Variants in FGF22 observed in about 807,000 individuals in gnomAD.
FGF22 encodes FGF-22.
FGF22 carries 11 observed loss-of-function variants against 10.3 expected under a neutral mutation model. That is an observed-to-expected ratio of 1.07 (90% CI 0.67 to 1.77). The LOEUF is 1.77. Among genes scored for constraint, FGF22 ranks in the 40% most tolerant of loss-of-function variants. The pLI is 0.00. For missense variants in FGF22, 317 were observed against 273.2 expected (o/e 1.16, Z -1.13); for synonymous variants, 136 against 122.1 (o/e 1.11, Z -0.75).
In FGF22 at chr19:643,483, G is replaced by A. The variant is rs200251395; in HGVS notation, c.392G>A (p.Arg131His). Reference sequence around the variant, plus strand: ...GGCCACAACACCTACGCCTCACAGCGCTGGCGCCGCCGCGGCCAGCCCATG... The same window carrying A: ...GGCCACAACACCTACGCCTCACAGCACTGGCGCCGCCGCGGCCAGCCCATG... The change falls in exon 3 of 3, where the codon CGC (arginine) becomes CAC (histidine). Residue 131 changes from arginine (R) to histidine (H), a missense_variant. Transcript: ENST00000215530. 66 of 1,611,104 alleles carry A rather than the reference G, an allele frequency of 4.1e-5. No individual in the cohort carries two copies. In the Middle Eastern group the frequency reaches 1.5e-3, roughly 36 times the overall value.
At chr19:640,001 G>C in exon 1 of FGF22, 1 of 1,307,514 alleles carries the variant, frequency 7.6e-7, no homozygotes, top group South Asian at 2.2e-5. Flanking sequence ...AACCCCGAGC[G>C]CGTCGCGGGG....
chr19:643,029 T>A (rs1985954878), intron 1 of FGF22, among the ~76,000 whole-genome samples: 1 of 151,872 alleles, frequency 6.6e-6, no homozygotes, highest in African/African-American at 2.4e-5. Context: ...TGCTCCTTGC[T>A]CCTCCCTCAC....
chr19:642,952 G>A (rs1294215968), intron 1 of FGF22, among the ~76,000 whole-genome samples: 2 of 151,898 alleles, frequency 1.3e-5, no homozygotes, highest in East Asian at 1.9e-4. Flanking sequence ...GCCCTCCCAC[G>A]GGGTCCTCAT....
Position 643,165 on chromosome 19 carries a change from G to A in FGF22, c.215-70G>A, listed in dbSNP as rs1192929152. 28 of 473,398 alleles carry A rather than the reference G, an allele frequency of 5.9e-5. No individual in the cohort carries two copies. The Middle Eastern group carries it at 2.4e-3, about 40-fold the overall frequency. The allele number at this position is 473,398 out of a possible 1,614,324, so 29.3% of individuals were successfully genotyped here. A position where few individuals can be genotyped will look rare whatever the true frequency, so the allele number is the denominator to read the frequency against. ...TGTCGTGGTCCTGAGGGCCCTGCAC[G>A]AAGCACAGCGGACAGCAGCGGTGCT... On this transcript the variant is annotated intron_variant, in intron 1 of 2. Transcript: ENST00000215530.
intron 1 of FGF22, 177 bp downstream of exon 1, chr19:640,316 C>T (rs1985860325): frequency 2.4e-6 from 1 of 409,882 alleles, no homozygotes; most frequent in African/African-American, 2.1e-5. Context: ...GAGGGTTGCA[C>T]TGTTAAAGCG....
chr19:641,865 C>T (rs931988053), intron 1 of FGF22, among the ~76,000 whole-genome samples: 1 of 152,140 alleles, frequency 6.6e-6, no homozygotes, highest in Non-Finnish European at 1.5e-5. Flanking sequence ...GCGGCAGACA[C>T]CCAGGCCGGG....
exon 1 of FGF22, chr19:639,881 G>C (rs1985840355): frequency 8.6e-7 from 1 of 1,159,146 alleles, no homozygotes; most frequent in Non-Finnish European, 1.1e-6. Context: ...GCAGAGCCGC[G>C]GACGCCCGGG....
chr19:643,181 C>A, intron 1 of FGF22, 54 bp from the exon 2 acceptor site: 1 of 809,956 alleles, frequency 1.2e-6, no homozygotes, highest in Non-Finnish European at 1.6e-6. Flanking sequence ...CAGCGGACAG[C>A]AGCGGTGCTG....
At position 643,470 on chromosome 19, in the gene FGF22, T is replaced by C. The variant is rs1667061318; in HGVS notation, c.379T>C (p.Tyr127His). The change falls in exon 3 of 3, where the codon TAC (tyrosine) becomes CAC (histidine). Residue 127 changes from tyrosine (Y) to histidine (H), a missense_variant. Coordinates refer to ENST00000215530, the Ensembl canonical transcript of FGF22. The stretch of plus-strand genomic sequence containing the variant: ...CATCGAAGAGAACGGCCACAACACC[T>C]ACGCCTCACAGCGCTGGCGCCGCCG... The C allele has an allele frequency of 3.7e-6, 6 of 1,611,250 alleles. No homozygotes were observed. Among genetic ancestry groups the C allele is most frequent in the African/African-American group, 2.7e-5 (2 of 74,852 alleles).
At chr19:643,045 G>T (rs1985955320) in intron 1 of FGF22, among the ~76,000 whole-genome samples, 190 bp from the exon 2 acceptor site, 1 of 13,562 alleles carries the variant, frequency 7.4e-5, no homozygotes, top group African/African-American at 2.0e-4. Flanking sequence ...CTCACATGCT[G>T]GGGGGGGCTC....
chr19:640,472 GC>G (rs1355931972), intron 1 of FGF22: 3 of 225,492 alleles, frequency 1.3e-5, no homozygotes, highest in Admixed American at 5.8e-5. Context: ...GCGGCGGGGG[GC>G]TGACCTCCGG....
intron 1 of FGF22, chr19:641,542 T>TCCA (rs1448651646): frequency 5.7e-6 from 1 of 176,554 alleles, no homozygotes; most frequent in Non-Finnish European, 1.1e-5. Context: ...GCCACTGCCC[T>TCCA]CCACCCTGGG....
chr19:642,803 C>G (rs963885408), intron 1 of FGF22, among the ~76,000 whole-genome samples: 3 of 152,002 alleles, frequency 2.0e-5, no homozygotes, highest in East Asian at 1.9e-4. Flanking sequence ...ACTCCCACAT[C>G]CCAGGAACCC....
intron 1 of FGF22, chr19:641,370 A>T: frequency 4.7e-6 from 2 of 429,808 alleles, no homozygotes; most frequent in Non-Finnish European, 4.7e-6. Context: ...AGGTCAGGAG[A>T]TCGAGACCAT....
In FGF22 at chr19:643,221, C is replaced by T; in HGVS notation, c.215-14C>T. 6.6e-7 allele frequency: 1 copy of T among 1,511,660 alleles called. No homozygotes were observed. The highest frequency in any genetic ancestry group is 8.9e-7 in the Non-Finnish European group (1 of 1,126,240). 93.6% of individuals were successfully genotyped at this position (1,511,660 alleles called of 1,614,324 possible). A position where few individuals can be genotyped will look rare whatever the true frequency, so the allele number is the denominator to read the frequency against. On this transcript the variant is annotated splice_polypyrimidine_tract_variant and intron_variant, in intron 1 of 2. Transcript: ENST00000215530. ...TGAGCCAGCAAGGCCCTCCCCGACC[C>T]CCGCCTCCCCCAGGCATCCTGGAGA...
chr19:642,876 G>GC (rs1211299267), intron 1 of FGF22, among the ~76,000 whole-genome samples: 3 of 151,554 alleles, frequency 2.0e-5, no homozygotes, highest in African/African-American at 2.4e-5. Flanking sequence ...GTGTGTGGGA[G>GC]CCCCCCCGCC....
At position 643,526 on chromosome 19, in the gene FGF22, GA is replaced by G. The variant is rs773254859; in HGVS notation, c.436del (p.Arg146GlyfsTer79). On this transcript the variant is annotated frameshift_variant, in exon 3 of 3. Coordinates refer to ENST00000215530, the Ensembl canonical transcript of FGF22. LOFTEE classifies it low-confidence loss of function (END_TRUNC). ...AGCCCATGTTCCTGGCGCTGGACAG[GA>G]GGGGGGGGCCCCGGCCAGGCGGCCG... 199 of 1,606,076 alleles carry G rather than the reference GA, an allele frequency of 1.2e-4. No individual in the cohort carries two copies. The highest frequency in any genetic ancestry group is 4.0e-4 in the South Asian group (36 of 90,774).
chr19:640,902 A>G (rs1469998634), intron 1 of FGF22: 1 of 304,036 alleles, frequency 3.3e-6, no homozygotes, highest in African/African-American at 2.2e-5. Context: ...CACCGCTTTC[A>G]TCTGGGCGCC....
chr19:643,529 G>A (rs752552471), exon 3 of FGF22: 22 of 1,604,966 alleles, frequency 1.4e-5, no homozygotes, highest in East Asian at 1.3e-4. Flanking sequence ...TGGACAGGAG[G>A]GGGGGGCCCC....
Sources: gnomAD v4.1 joint callset for allele counts (sites outside exome capture counted in the v4.1 genomes callset) on GRCh38, gnomAD v4.1.1 for gene constraint, MANE v1.5 for transcripts, NCBI Gene and HGNC (gene_info 2026-07-23, HGNC 2026-07-21) for gene names.